The following CABCOCO1 variants were observed in gnomAD, a reference collection of about 807,000 sequenced individuals.
The protein encoded by CABCOCO1 is ciliary associated calcium binding coiled-coil 1, also known as ciliary-associated calcium-binding coiled-coil protein 1.
Under a neutral mutation model 35.7 loss-of-function variants are expected in CABCOCO1, and 28 were observed. The ratio of observed to expected loss-of-function variants is 0.78; its 90% CI spans 0.58 to 1.07. The LOEUF is 1.07. CABCOCO1 is among the 50% of genes least tolerant of loss of function. The probability of loss-of-function intolerance (pLI) is 0.00; values close to 1 mark genes in which losing one functional copy is unlikely to be tolerated. For missense variants in CABCOCO1, 326 were observed against 309.2 expected (o/e 1.05, Z -0.41); for synonymous variants, 95 against 100.1 (o/e 0.95, Z 0.30).
At chr10:61,748,999 G>T (rs1440043927) in intron 5 of CABCOCO1, among the ~76,000 whole-genome samples, 1 of 152,080 alleles carries the variant, frequency 6.6e-6, no homozygotes, top group Admixed American at 6.5e-5. Flanking sequence ...AATTATATCA[G>T]CCATGAAAAT....
intron 5 of CABCOCO1, among the ~76,000 whole-genome samples, chr10:61,725,941 T>C (rs1003682640): frequency 6.6e-6 from 1 of 152,096 alleles, no homozygotes; most frequent in Non-Finnish European, 1.5e-5. Context: ...GTCTTGCTAA[T>C]GACAAAAGGG....
chr10:61,714,489 GT>G (rs1027926677), intron 5 of CABCOCO1, among the ~76,000 whole-genome samples: 3 of 151,936 alleles, frequency 2.0e-5, no homozygotes, highest in Admixed American at 6.6e-5. Flanking sequence ...TTTTTGAAGG[GT>G]TTTTTTGTGT....
At chr10:61,678,355 G>T (rs1306799837) in intron 2 of CABCOCO1, among the ~76,000 whole-genome samples, 2 of 152,070 alleles carry the variant, frequency 1.3e-5, no homozygotes, top group African/African-American at 2.4e-5. Context: ...AATATATCTT[G>T]CCAAATGATG....
intron 5 of CABCOCO1, among the ~76,000 whole-genome samples, chr10:61,738,054 T>TAA (rs36102340): frequency 9.2e-5 from 13 of 141,694 alleles, no homozygotes; most frequent in Admixed American, 1.4e-4. Context: ...ATATCTTATT[T>TAA]AAAAAAAAAA....
chr10:61,732,072 C>T (rs1178860246), intron 5 of CABCOCO1, among the ~76,000 whole-genome samples: 1 of 151,912 alleles, frequency 6.6e-6, no homozygotes, highest in East Asian at 1.9e-4. Flanking sequence ...ATAAAATTTG[C>T]CAGTTTTATA....
intron 2 of CABCOCO1, among the ~76,000 whole-genome samples, chr10:61,678,381 A>C (rs1279365604): frequency 6.6e-6 from 1 of 152,204 alleles, no homozygotes; most frequent in African/African-American, 2.4e-5. Context: ...TGCAAATTAA[A>C]GATCCCTGGC....
chr10:61,676,125 A>G (rs532112462), intron 2 of CABCOCO1, among the ~76,000 whole-genome samples: 1 of 152,348 alleles, frequency 6.6e-6, no homozygotes, highest in East Asian at 1.9e-4. Context: ...TAGGAAGTCA[A>G]AAGTATATGA....
At chr10:61,726,697 TA>T (rs1436891361) in intron 5 of CABCOCO1, among the ~76,000 whole-genome samples, 15 of 152,010 alleles carry the variant, frequency 9.9e-5, no homozygotes, top group African/African-American at 3.6e-4. Context: ...CATGGAATCA[TA>T]TATGATGGCC....
intron 5 of CABCOCO1, among the ~76,000 whole-genome samples, chr10:61,692,166 A>G (rs541478006): frequency 2.4e-4 from 37 of 152,158 alleles, no homozygotes; most frequent in African/African-American, 7.2e-4. Flanking sequence ...TTGTTTCCTG[A>G]CTTTTTAATG....
chr10:61,724,831 A>C (rs72823817), intron 5 of CABCOCO1, among the ~76,000 whole-genome samples: 15,265 of 152,158 alleles, frequency 0.1, 931 homozygotes, highest in Middle Eastern at 0.17. Flanking sequence ...AGTAGGGGGG[A>C]GGGATAGCAT....
chr10:61,755,922 G>A (rs1164697516), intron 5 of CABCOCO1, among the ~76,000 whole-genome samples: 1 of 151,972 alleles, frequency 6.6e-6, no homozygotes, highest in African/African-American at 2.4e-5. Flanking sequence ...CTATAAGCAT[G>A]TTTTTAGATC....
chr10:61,710,644 C>CT (rs1489214185), intron 5 of CABCOCO1, among the ~76,000 whole-genome samples: 1 of 151,806 alleles, frequency 6.6e-6, no homozygotes, highest in Admixed American at 6.6e-5. Context: ...AAAGTGGATA[C>CT]TTTTTTTAAA....
intron 4 of CABCOCO1, among the ~76,000 whole-genome samples, chr10:61,687,195 C>T (rs1839991278): frequency 6.6e-6 from 1 of 152,122 alleles, no homozygotes; most frequent in Admixed American, 6.6e-5. Context: ...TACGTAATAA[C>T]ATTTAAAACA....
intron 2 of CABCOCO1, among the ~76,000 whole-genome samples, chr10:61,673,535 A>T (rs1839423025): frequency 6.6e-6 from 1 of 152,216 alleles, no homozygotes; most frequent in Non-Finnish European, 1.5e-5. Flanking sequence ...ACAAATAGAA[A>T]ATGACTCTGT....
At chr10:61,761,025 C>G (rs770123391) in intron 7 of CABCOCO1, 22 bp downstream of exon 7, 2 of 1,608,750 alleles carry the variant, frequency 1.2e-6, no homozygotes, top group South Asian at 2.2e-5. Context: ...TGATAGTATG[C>G]TCACTTACTT....
At chr10:61,709,630 G>A (rs1840677349) in intron 5 of CABCOCO1, among the ~76,000 whole-genome samples, 1 of 123,000 alleles carries the variant, frequency 8.1e-6, no homozygotes, top group Non-Finnish European at 2.0e-5. Context: ...AGGCAAAGAA[G>A]TGGAAATTTT....
rs553201607 is a variant in CABCOCO1 at position 61,713,922 on chromosome 10, T to C, written c.552+23301T>C. Among the ~76,000 whole-genome samples, 4 of 152,332 alleles carry C rather than the reference T, an allele frequency of 2.6e-5. No individual in the cohort carries two copies. The South Asian group carries it at 8.3e-4, about 32-fold the overall frequency. On this transcript the variant is annotated intron_variant, in intron 5 of 7. Coordinates refer to ENST00000648843, the MANE Select transcript of CABCOCO1 (RefSeq NM_001366906.2). ...CTGGATTCGGTTTGCCAGTATTTTA[T>C]TGAGGATTTTGCATCGATGTTCATC...
intron 7 of CABCOCO1, among the ~76,000 whole-genome samples, chr10:61,763,806 A>G (rs1842056204): frequency 6.6e-6 from 1 of 151,596 alleles, no homozygotes; most frequent in Non-Finnish European, 1.5e-5. Context: ...AAAAAAAAAG[A>G]ACCAGACCCA....
chr10:61,711,282 G>A (rs1391045163), intron 5 of CABCOCO1, among the ~76,000 whole-genome samples: 1 of 151,900 alleles, frequency 6.6e-6, no homozygotes, highest in East Asian at 1.9e-4. Flanking sequence ...TGCAAGTGGG[G>A]AAATTATGGA....
Sources: allele counts gnomAD v4.1 joint callset (sites outside exome capture counted in the v4.1 genomes callset), GRCh38; gene constraint gnomAD v4.1.1; transcripts MANE v1.5; gene names NCBI Gene and HGNC (gene_info 2026-07-23, HGNC 2026-07-21).